The following PEX14 variants were observed in gnomAD, a reference collection of about 807,000 sequenced individuals.
PEX14 encodes the protein peroxisomal biogenesis factor 14.
A neutral mutation model predicts 49.5 loss-of-function variants in PEX14; 15 were observed. The ratio of observed to expected loss-of-function variants is 0.30; its 90% CI spans 0.20 to 0.47. The LOEUF (loss-of-function observed/expected upper bound fraction) is 0.47, where lower values mean the gene tolerates loss of function less well. Among genes scored for constraint, PEX14 ranks in the 20% least tolerant of loss-of-function variants. The pLI, the probability that PEX14 is intolerant of heterozygous loss-of-function variation, is 1.00. For missense variants in PEX14, 398 were observed against 494.8 expected (o/e 0.80, Z 1.86); for synonymous variants, 210 against 212.7 (o/e 0.99, Z 0.11).
At chr1:10,589,845 T>C (rs1280740126) in intron 3 of PEX14, among the ~76,000 whole-genome samples, 4 of 152,218 alleles carry the variant, frequency 2.6e-5, no homozygotes, top group African/African-American at 9.7e-5. Context: ...AGTTTGCTCT[T>C]CCACAGCACC....
intron 2 of PEX14, among the ~76,000 whole-genome samples, chr1:10,517,320 C>T (rs1274344374): frequency 1.3e-5 from 2 of 152,196 alleles, no homozygotes; most frequent in African/African-American, 4.8e-5. Context: ...GCAACTCCCT[C>T]TCCTATTGGG....
intron 4 of PEX14, among the ~76,000 whole-genome samples, chr1:10,604,641 T>G (rs1641078131): frequency 6.6e-6 from 1 of 151,846 alleles, no homozygotes; most frequent in South Asian, 2.1e-4. Flanking sequence ...AACTCTGAGT[T>G]GTTCAGAGTG....
chr1:10,520,145 C>CTTTTT (rs1412156646), intron 2 of PEX14, among the ~76,000 whole-genome samples: 14 of 64,448 alleles, frequency 2.2e-4, no homozygotes, highest in African/African-American at 8.3e-4. Flanking sequence ...TGGCCTTCTT[C>CTTTTT]TTCTTTTTTT....
rs35743829 is a variant in PEX14 at position 10,586,628 on chromosome 1, C to CTTTTTTTTTT, written c.170-12590_170-12581dup. Among the ~76,000 whole-genome samples, 12 of 93,012 alleles carry CTTTTTTTTTT rather than the reference C, an allele frequency of 1.3e-4. 2 individuals are homozygous for CTTTTTTTTTT. Among genetic ancestry groups the CTTTTTTTTTT allele is most frequent in the East Asian group, 1.3e-3 (4 of 3,172 alleles). 61.0% of individuals were successfully genotyped at this position (93,012 alleles called of 152,430 possible). ...ATGTTGAACAAAAGGAGCCGTTTAC[C>CTTTTTTTTTT]TTTTTTTTTTTTTTTTTTTTTTTTT... On this transcript the variant is annotated intron_variant, in intron 3 of 8. Coordinates refer to ENST00000356607, the MANE Select transcript of PEX14 (RefSeq NM_004565.3).
At chr1:10,575,524 A>G (rs888852737) in intron 3 of PEX14, among the ~76,000 whole-genome samples, 2 of 152,228 alleles carry the variant, frequency 1.3e-5, no homozygotes, top group Non-Finnish European at 2.9e-5. Flanking sequence ...AAAGGCAGAA[A>G]TCACATAGCC....
At chr1:10,501,881 A>G (rs1641687611) in intron 2 of PEX14, among the ~76,000 whole-genome samples, 1 of 152,130 alleles carries the variant, frequency 6.6e-6, no homozygotes, top group African/African-American at 2.4e-5. Flanking sequence ...ACTGCACTCC[A>G]GCTTGGGCAA....
rs116296133 is a variant in PEX14 at position 10,515,396 on chromosome 1, G to T, written c.84+20075G>T. On this transcript the variant is annotated intron_variant, in intron 2 of 8. Coordinates refer to ENST00000356607, the MANE Select transcript of PEX14 (RefSeq NM_004565.3). ...CATTTAATAATTTAAACATTAAAGC[G>T]CAAGCAGGAATTTGAGGCCGAGGCT... is the stretch of plus-strand genomic sequence containing the variant. 1.1e-3 allele frequency among the ~76,000 whole-genome samples: 166 copies of T among 152,162 alleles called. 2 individuals are homozygous for T. The highest frequency in any genetic ancestry group is 3.8e-3 in the African/African-American group (157 of 41,506).
At chr1:10,546,390 AC>A (rs1639171554) in intron 3 of PEX14, among the ~76,000 whole-genome samples, 2 of 151,346 alleles carry the variant, frequency 1.3e-5, no homozygotes, top group African/African-American at 4.9e-5. Context: ...ACATGGCGAA[AC>A]CCTGTCTCTA....
intron 2 of PEX14, among the ~76,000 whole-genome samples, chr1:10,525,564 G>A (rs1159934602): frequency 2.6e-5 from 4 of 152,192 alleles, no homozygotes; most frequent in African/African-American, 9.6e-5. Context: ...TCTGACAGTA[G>A]CTGATTGTAT....
chr1:10,568,656 A>G (rs1639884043), intron 3 of PEX14, among the ~76,000 whole-genome samples: 3 of 152,204 alleles, frequency 2.0e-5, no homozygotes, highest in Admixed American at 2.0e-4. Context: ...GAGATGATGA[A>G]TTTGTTCATG....
intron 3 of PEX14, among the ~76,000 whole-genome samples, chr1:10,538,667 C>T (rs988802032): frequency 2.6e-5 from 4 of 152,360 alleles, no homozygotes; most frequent in South Asian, 2.1e-4. Flanking sequence ...GTCAGGTTTC[C>T]GTGCTCAGCA....
intron 4 of PEX14, among the ~76,000 whole-genome samples, chr1:10,615,688 G>A (rs781023722): frequency 1.3e-5 from 2 of 152,256 alleles, no homozygotes; most frequent in Non-Finnish European, 2.9e-5. Flanking sequence ...TGGCACGTGT[G>A]CACGTTGTTG....
intron 1 of PEX14, among the ~76,000 whole-genome samples, chr1:10,493,716 A>G (rs1641509793): frequency 1.3e-5 from 2 of 152,136 alleles, no homozygotes; most frequent in African/African-American, 4.8e-5. Flanking sequence ...CCACTCTTCC[A>G]TGGATATTGA....
At chr1:10,591,532 T>C (rs61776267) in intron 3 of PEX14, among the ~76,000 whole-genome samples, 4,479 of 152,224 alleles carry the variant, frequency 0.029, 110 homozygotes, top group Middle Eastern at 0.068. Context: ...TTCATAAGGC[T>C]AGGCAGTGAA....
rs912980242 is a variant in PEX14 at position 10,613,993 on chromosome 1, C to T, written c.299-4339C>T. Among the ~76,000 whole-genome samples the T allele has an allele frequency of 6.6e-6, 1 of 152,226 alleles. No individual in the cohort carries two copies. Among genetic ancestry groups the T allele is most frequent in the Non-Finnish European group, 1.5e-5 (1 of 68,048 alleles). Reference sequence around the variant, plus strand: ...TCCGGACATTCAGGGAGCCTGGTGGCGGGGAGGTGTGTTCCCAGGCGCCCT... The same window carrying T: ...TCCGGACATTCAGGGAGCCTGGTGGTGGGGAGGTGTGTTCCCAGGCGCCCT... On this transcript the variant is annotated intron_variant, in intron 4 of 8. Coordinates refer to ENST00000356607, the MANE Select transcript of PEX14 (RefSeq NM_004565.3). This position sits in a 1 kb window ranked among gnomAD's most constrained non-coding sequence, Gnocchi z 5.0.
chr1:10,557,177 A>G (rs1238461295), intron 3 of PEX14, among the ~76,000 whole-genome samples: 1 of 152,114 alleles, frequency 6.6e-6, no homozygotes, highest in Non-Finnish European at 1.5e-5. Context: ...ATATGCCATA[A>G]TTTATTGTAA....
At chr1:10,532,811 C>T (rs1010607914) in intron 2 of PEX14, among the ~76,000 whole-genome samples, 3 of 152,230 alleles carry the variant, frequency 2.0e-5, no homozygotes, top group Middle Eastern at 6.8e-3. Context: ...CCAACAAAAG[C>T]GTGTTGTGTG....
rs573725161 is a variant in PEX14, at chr1:10,593,191, G to A, written c.170-6047G>A. 1.4e-4 allele frequency among the ~76,000 whole-genome samples: 22 copies of A among 152,212 alleles called. No individual in the cohort carries two copies. The East Asian group carries it at 3.9e-3, about 27-fold the overall frequency. ...ATTTAAAGGATATATTGTCTTTATGGTTCACTGGGATAAGGAGGGATTGGT... is the reference window on the plus strand; with the variant it reads ...ATTTAAAGGATATATTGTCTTTATGATTCACTGGGATAAGGAGGGATTGGT... On this transcript the variant is annotated intron_variant, in intron 3 of 8. Transcript: ENST00000356607.
chr1:10,599,111 G>A (rs1640908254), intron 3 of PEX14, 127 bp from the exon 4 acceptor site: 6 of 920,388 alleles, frequency 6.5e-6, no homozygotes, highest in South Asian at 2.7e-5. Flanking sequence ...ATCTGAAATC[G>A]GGGAGGCAAC....
Sources: allele counts gnomAD v4.1 joint callset (sites outside exome capture counted in the v4.1 genomes callset), GRCh38; gene constraint gnomAD v4.1.1; non-coding constraint Gnocchi (gnomAD v3.1); transcripts MANE v1.5; gene names NCBI Gene and HGNC (gene_info 2026-07-23, HGNC 2026-07-21).